Variants in MYRFL observed in about 807,000 individuals in gnomAD.
The protein encoded by MYRFL is myelin regulatory factor like.
In MYRFL, 88 loss-of-function variants were observed where a neutral mutation model predicts 109.4. The observed-to-expected ratio is 0.80, with a 90% CI of 0.68 to 0.96. The LOEUF (loss-of-function observed/expected upper bound fraction) is 0.96. MYRFL is among the 40% of genes least tolerant of loss of function. The pLI is 0.00. For missense variants in MYRFL, 957 were observed against 954.9 expected (o/e 1.00, Z -0.03); for synonymous variants, 324 against 320.9 (o/e 1.01, Z -0.10).
At chr12:69,891,686 G>GTTCTTTCTTTCT (rs1236346773) in intron 7 of MYRFL, among the ~76,000 whole-genome samples, 2 of 67,770 alleles carry the variant, frequency 3.0e-5, no homozygotes, top group African/African-American at 5.3e-5. Flanking sequence ...TCTTTCTTTC[G>GTTCTTTCTTTCT]TTCGTTCGTT....
intron 11 of MYRFL, among the ~76,000 whole-genome samples, chr12:69,907,484 G>A (rs1954402979): frequency 1.3e-5 from 2 of 152,090 alleles, no homozygotes; most frequent in Admixed American, 6.5e-5. Flanking sequence ...CTGGGGCCCT[G>A]CAGGTGGGGC....
chr12:69,951,207 C>T (rs79859554), intron 19 of MYRFL, among the ~76,000 whole-genome samples: 5,265 of 152,158 alleles, frequency 0.035, 312 homozygotes, highest in African/African-American at 0.12. Flanking sequence ...ACTTTGCCGT[C>T]GTAACAGAAT....
In MYRFL at chr12:69,891,168, T is replaced by C; in HGVS notation, c.903+2T>C. 1 of 1,508,596 alleles carries C rather than the reference T, an allele frequency of 6.6e-7. No individual in the cohort carries two copies. The highest frequency in any genetic ancestry group is 8.8e-7 in the Non-Finnish European group (1 of 1,134,314). 93.5% of individuals were successfully genotyped at this position (1,508,596 alleles called of 1,614,324 possible). A position where few individuals can be genotyped will look rare whatever the true frequency, so the allele number is the denominator to read the frequency against. ...TACTTGAAAGTTTTTGGCACTAAGG[T>C]ATGTCTTTTATTTAGTTCAGTTTAT... is the stretch of plus-strand genomic sequence containing the variant. On this transcript the variant is annotated splice_donor_variant, in intron 7 of 24. Transcript: ENST00000552032. LOFTEE classifies it high-confidence loss of function.
rs2120569076 is a variant in MYRFL at position 69,958,011 on chromosome 12, C to T, written c.2571+69C>T. On this transcript the variant is annotated intron_variant, in intron 23 of 24. Coordinates refer to ENST00000552032, the MANE Select transcript of MYRFL (RefSeq NM_182530.3). Reference sequence around the variant, plus strand: ...CATTGAGCAAATTGCCAGTGTTTTCCCTCCCTGGCCAACCCTAGTCACAGG... The same window carrying T: ...CATTGAGCAAATTGCCAGTGTTTTCTCTCCCTGGCCAACCCTAGTCACAGG... 2.7e-6 allele frequency: 4 copies of T among 1,489,746 alleles called. No homozygotes were observed. The South Asian group carries it at 3.9e-5, about 14-fold the overall frequency. The allele number at this position is 1,489,746 out of a possible 1,614,324, so 92.3% of individuals were successfully genotyped here.
At chr12:69,937,187 A>T (rs181436757) in intron 19 of MYRFL, among the ~76,000 whole-genome samples, 114 of 152,288 alleles carry the variant, frequency 7.5e-4, no homozygotes, top group African/African-American at 2.5e-3. Flanking sequence ...GGTAAAAAAA[A>T]GTATAGAAAC....
chr12:69,936,088 TTTTTTTTTTTTTTTTTTTTGACAGTGC>T lies in MYRFL; in HGVS notation c.1917-21_1922del. 3 of 1,350,582 alleles carry T rather than the reference TTTTTTTTTTTTTTTTTTTTGACAGTGC, an allele frequency of 2.2e-6. No individual in the cohort carries two copies. Among genetic ancestry groups the T allele is most frequent in the Non-Finnish European group, 2.9e-6 (3 of 1,042,004 alleles). The allele number at this position is 1,350,582 out of a possible 1,614,324, so 83.7% of individuals were successfully genotyped here. The stretch of plus-strand genomic sequence containing the variant: ...AATCTGCCACATAATGTTTTTTTTT[TTTTTTTTTTTTTTTTTTTTGACAGTGC>T]TTTGACGATAGTTGCCCTCTATATA... On this transcript the variant is annotated splice_acceptor_variant and splice_polypyrimidine_tract_variant and coding_sequence_variant and intron_variant, in exon 17 of 25. Coordinates refer to ENST00000552032, the MANE Select transcript of MYRFL (RefSeq NM_182530.3). LOFTEE classifies it high-confidence loss of function.
At chr12:69,844,212 T>C (rs887672834) in intron 1 of MYRFL, among the ~76,000 whole-genome samples, 1 of 152,088 alleles carries the variant, frequency 6.6e-6, no homozygotes. Flanking sequence ...AGGGATCATC[T>C]CTCCTTATTC....
chr12:69,934,711 G>A (rs1215655265), intron 16 of MYRFL, among the ~76,000 whole-genome samples: 1 of 152,148 alleles, frequency 6.6e-6, no homozygotes, highest in Non-Finnish European at 1.5e-5. Flanking sequence ...CTGAAGTCAG[G>A]TTGTCTCTTC....
intron 1 of MYRFL, among the ~76,000 whole-genome samples, chr12:69,832,017 T>C (rs1055772220): frequency 6.6e-6 from 1 of 152,152 alleles, no homozygotes; most frequent in African/African-American, 2.4e-5. Context: ...TGTCTTGTTC[T>C]TTGAGGAAAT....
chr12:69,830,798 C>G (rs1377242850), intron 1 of MYRFL, among the ~76,000 whole-genome samples: 5 of 152,046 alleles, frequency 3.3e-5, no homozygotes, highest in Non-Finnish European at 7.4e-5. Flanking sequence ...GTCACCTGCC[C>G]ACGCTACCTT....
intron 13 of MYRFL, among the ~76,000 whole-genome samples, chr12:69,913,442 C>A (rs1364602682): frequency 6.6e-6 from 1 of 152,066 alleles, no homozygotes; most frequent in Non-Finnish European, 1.5e-5. Context: ...TTAGGTTTTA[C>A]ATTCCTGTTT....
chr12:69,895,344 G>GTT lies in MYRFL; in HGVS notation c.981-16_981-15dup, dbSNP rs139690592. 8.6e-3 allele frequency: 10,426 copies of GTT among 1,215,144 alleles called. 1 individual carries two copies. The highest frequency in any genetic ancestry group is 0.01 in the Non-Finnish European group (9,030 of 899,470). The allele number at this position is 1,215,144 out of a possible 1,614,324, so 75.3% of individuals were successfully genotyped here. ...TTTGGTGTTCTCTTATAGTCTCTTG[G>GTT]TTTTTTTTTTTTGCTGTTTGTTTTA... is the stretch of plus-strand genomic sequence containing the variant. On this transcript the variant is annotated intron_variant, in intron 8 of 24. Transcript: ENST00000552032.
intron 7 of MYRFL, among the ~76,000 whole-genome samples, chr12:69,892,252 G>A (rs1196567894): frequency 6.6e-6 from 1 of 152,138 alleles, no homozygotes; most frequent in Non-Finnish European, 1.5e-5. Flanking sequence ...GGGCCAATAA[G>A]GTTACACAAT....
intron 1 of MYRFL, among the ~76,000 whole-genome samples, chr12:69,848,493 C>G (rs527549807): frequency 2.6e-5 from 4 of 152,132 alleles, no homozygotes; most frequent in African/African-American, 9.6e-5. Flanking sequence ...TTATTCCTGA[C>G]AATTATATTC....
intron 13 of MYRFL, among the ~76,000 whole-genome samples, chr12:69,911,781 T>G (rs1954580223): frequency 6.6e-6 from 1 of 152,218 alleles, no homozygotes; most frequent in South Asian, 2.1e-4. Flanking sequence ...GACCAATTGA[T>G]ATAAGGGTTT....
chr12:69,856,653 A>G (rs1325800147), intron 2 of MYRFL, among the ~76,000 whole-genome samples: 1 of 151,998 alleles, frequency 6.6e-6, no homozygotes, highest in Non-Finnish European at 1.5e-5. Flanking sequence ...ATAACTAATG[A>G]TGTTGAACAT....
At chr12:69,923,837 C>T (rs1342584065) in intron 13 of MYRFL, among the ~76,000 whole-genome samples, 1 of 151,892 alleles carries the variant, frequency 6.6e-6, no homozygotes, top group African/African-American at 2.4e-5. Flanking sequence ...TTTTATTTTG[C>T]CTTCTGTTTC....
intron 13 of MYRFL, among the ~76,000 whole-genome samples, chr12:69,913,593 A>G (rs547871721): frequency 1.4e-4 from 21 of 152,326 alleles, no homozygotes; most frequent in African/African-American, 4.8e-4. Flanking sequence ...CTTGTCTAAA[A>G]TCATTTAACC....
chr12:69,939,578 C>A (rs1177965175), intron 19 of MYRFL, among the ~76,000 whole-genome samples: 6 of 152,102 alleles, frequency 3.9e-5, no homozygotes, highest in African/African-American at 1.2e-4. Flanking sequence ...TAGAAAAAAA[C>A]CACAAAGATG....
Sources: gnomAD v4.1 joint callset for allele counts (sites outside exome capture counted in the v4.1 genomes callset) on GRCh38, gnomAD v4.1.1 for gene constraint, MANE v1.5 for transcripts, NCBI Gene and HGNC (gene_info 2026-07-23, HGNC 2026-07-21) for gene names.